Variants in COL5A1 observed in about 807,000 individuals in gnomAD.
The protein encoded by COL5A1 is collagen alpha-1(V) chain.
A neutral mutation model predicts 263.7 loss-of-function variants in COL5A1; 16 were observed. The ratio of observed to expected loss-of-function variants is 0.06; its 90% CI spans 0.04 to 0.09. The LOEUF is 0.09. COL5A1 is among the 10% of genes least tolerant of loss of function. The pLI is 1.00. For synonymous variants in COL5A1, 1,012 were observed against 1,004.5 expected (o/e 1.01, Z -0.14); for missense variants, 2,036 against 2,540.5 (o/e 0.80, Z 4.27).
chr9:134,735,967 G>C (rs914899443), intron 9 of COL5A1, among the ~76,000 whole-genome samples: 2 of 152,236 alleles, frequency 1.3e-5, no homozygotes, highest in Non-Finnish European at 2.9e-5. Flanking sequence ...GACAGCCTCT[G>C]GTGGCCTGTG....
At chr9:134,799,934 C>G (rs1487682185) in intron 37 of COL5A1, among the ~76,000 whole-genome samples, 1 of 152,204 alleles carries the variant, frequency 6.6e-6, no homozygotes, top group Admixed American at 6.5e-5. Context: ...TGCACATGTA[C>G]TTCCGGCTGC....
In COL5A1 at chr9:134,818,815, C is replaced by A. The variant is rs374728372; in HGVS notation, c.4339-33C>A. ...GTTGCCGAGTGGAGGGACGGGGGAC[C>A]AGCAACTCATGCAGAGCGTCTCTGT... On this transcript the variant is annotated intron_variant, in intron 55 of 65. Coordinates refer to ENST00000371817, the MANE Select transcript of COL5A1 (RefSeq NM_000093.5). This position sits in a 1 kb window ranked among gnomAD's most constrained non-coding sequence, Gnocchi z 6.0. 6 of 1,612,828 alleles carry A rather than the reference C, an allele frequency of 3.7e-6. No individual in the cohort carries two copies. The African/African-American group carries it at 5.3e-5, about 14-fold the overall frequency.
At position 134,789,264 on chromosome 9, in the gene COL5A1, C is replaced by A; in HGVS notation, c.2700+56C>A. On this transcript the variant is annotated intron_variant, in intron 32 of 65. Coordinates refer to ENST00000371817, the MANE Select transcript of COL5A1 (RefSeq NM_000093.5). This position sits in a 1 kb window ranked among gnomAD's most constrained non-coding sequence, Gnocchi z 4.8. ...CTTGTTCGGCTGCCTCGGTGCCTAG[C>A]AAGTTGGTTCTCCAGCCGACGGCCT... is the stretch of plus-strand genomic sequence containing the variant. 6.9e-7 allele frequency: 1 copy of A among 1,452,710 alleles called. No homozygotes were observed. 90.0% of individuals were successfully genotyped at this position (1,452,710 alleles called of 1,614,324 possible).
chr9:134,803,711 C>T (rs553193082), intron 39 of COL5A1, among the ~76,000 whole-genome samples: 12 of 151,668 alleles, frequency 7.9e-5, no homozygotes, highest in South Asian at 2.1e-4. Flanking sequence ...GGTGTGGTGG[C>T]GGGCGCCTGT....
chr9:134,650,486 G>A (rs1831640786), intron 1 of COL5A1, among the ~76,000 whole-genome samples: 1 of 152,272 alleles, frequency 6.6e-6, no homozygotes, highest in Non-Finnish European at 1.5e-5. Context: ...GGGGGGCACA[G>A]GTGAGCGATA....
intron 2 of COL5A1, among the ~76,000 whole-genome samples, chr9:134,694,452 G>A (rs1484316253): frequency 6.6e-6 from 1 of 152,252 alleles, no homozygotes; most frequent in African/African-American, 2.4e-5. Context: ...GGCCTCCTCT[G>A]GCCTGGGAGA....
chr9:134,699,776 A>G, intron 2 of COL5A1, 133 bp from the exon 3 acceptor site: 1 of 839,730 alleles, frequency 1.2e-6, no homozygotes, highest in Non-Finnish European at 2.0e-6. Context: ...GCAGATGTGC[A>G]GCAGATGGCA....
rs1036457758 is a variant in COL5A1, at chr9:134,761,897, G to A, written c.1936-28G>A. ...AGCCCTGCATGACCTGCTCAGGAGA[G>A]GCTGACGTTGACCCTTTCACTTCCT... On this transcript the variant is annotated intron_variant, in intron 18 of 65. Transcript: ENST00000371817. The A allele has an allele frequency of 5.0e-6, 8 of 1,612,696 alleles. No individual in the cohort carries two copies. The African/African-American group carries it at 6.7e-5, about 13-fold the overall frequency.
chr9:134,804,897 C>G, intron 39 of COL5A1, 78 bp from the exon 40 acceptor site: 1 of 1,271,262 alleles, frequency 7.9e-7, no homozygotes, highest in Non-Finnish European at 1.1e-6. Context: ...AAGGCCCCAG[C>G]CCTTGGCTTC....
At chr9:134,723,153 C>T (rs900418602) in intron 4 of COL5A1, among the ~76,000 whole-genome samples, 1 of 152,160 alleles carries the variant, frequency 6.6e-6, no homozygotes, top group Non-Finnish European at 1.5e-5. Context: ...AGCAGATGCC[C>T]CAGCCCAGGG....
chr9:134,774,332 C>T (rs965596009), intron 26 of COL5A1, among the ~76,000 whole-genome samples: 1 of 152,110 alleles, frequency 6.6e-6, no homozygotes, highest in Middle Eastern at 3.2e-3. Context: ...CGGTGGGAGC[C>T]GTTCATCATG....
At chr9:134,684,293 C>T (rs1473700832) in intron 1 of COL5A1, among the ~76,000 whole-genome samples, 4 of 152,134 alleles carry the variant, frequency 2.6e-5, no homozygotes, top group African/African-American at 7.2e-5. Context: ...CCTGTAGGTG[C>T]CGGAGCCCTG....
chr9:134,763,989 G>A (rs951353173), intron 20 of COL5A1, among the ~76,000 whole-genome samples: 1 of 151,218 alleles, frequency 6.6e-6, no homozygotes, highest in Non-Finnish European at 1.5e-5. Context: ...GTTGTTGTGG[G>A]GGTCCAGGGG....
In COL5A1 at chr9:134,698,479, C is replaced by T. The variant is rs1446730033; in HGVS notation, c.278-1430C>T. 2.6e-5 allele frequency among the ~76,000 whole-genome samples: 4 copies of T among 152,370 alleles called. No individual in the cohort carries two copies. In the South Asian group the frequency reaches 8.3e-4, roughly 32 times the overall value. On this transcript the variant is annotated intron_variant, in intron 2 of 65. Transcript: ENST00000371817. ...GGGTTTGCCTGGAGTAGTGGCCCCT[C>T]ATTTTGCAGAACCTCAGGAGATCTC...
At chr9:134,732,206 CAGGTCCGTGGGCCCCTGCACCTGCGCGCA>C in intron 9 of COL5A1, 79 bp downstream of exon 9, 1 of 1,502,778 alleles carries the variant, frequency 6.7e-7, no homozygotes, top group Non-Finnish European at 9.3e-7. Context: ...AGGGTGTGAA[CAGGTCCGTGGGCCCCTGCACCTGCGCGCA>C]CTGGGTCACT....
At chr9:134,795,371 A>G in intron 34 of COL5A1, 56 bp downstream of exon 34, 1 of 1,507,930 alleles carries the variant, frequency 6.6e-7, no homozygotes, top group Non-Finnish European at 9.2e-7. Context: ...GCAAGGCTAC[A>G]GAGACGTGGA....
intron 1 of COL5A1, chr9:134,649,394 CA>C (rs1831590868): frequency 2.4e-6 from 1 of 423,924 alleles, no homozygotes; most frequent in Non-Finnish European, 4.8e-6. Context: ...CCACTTTTCT[CA>C]AAATTTAATT....
At chr9:134,795,614 C>T (rs1437958096) in intron 34 of COL5A1, among the ~76,000 whole-genome samples, 2 of 152,204 alleles carry the variant, frequency 1.3e-5, no homozygotes, top group Non-Finnish European at 2.9e-5. Context: ...AGGCCCACCG[C>T]AGACTCACCC....
rs907039001 is a variant in COL5A1, at chr9:134,841,329, TAAAGA to T, written c.5371-826_5371-822del. Among the ~76,000 whole-genome samples, 4 of 152,172 alleles carry T rather than the reference TAAAGA, an allele frequency of 2.6e-5. No individual in the cohort carries two copies. Among genetic ancestry groups the T allele is most frequent in the African/African-American group, 9.6e-5 (4 of 41,452 alleles). On this transcript the variant is annotated intron_variant, in intron 65 of 65. Coordinates refer to ENST00000371817, the MANE Select transcript of COL5A1 (RefSeq NM_000093.5). This position sits in a 1 kb window ranked among gnomAD's most constrained non-coding sequence, Gnocchi z 4.8. ...AGCAGGGCCAGCTCAGCCTCAGTTA[TAAAGA>T]ACACTGGGAGTTATATTTGGGTGGC...
Sources: gnomAD v4.1 joint callset for allele counts (sites outside exome capture counted in the v4.1 genomes callset) on GRCh38, gnomAD v4.1.1 for gene constraint, Gnocchi (gnomAD v3.1) non-coding constraint, MANE v1.5 for transcripts, NCBI Gene and HGNC (gene_info 2026-07-23, HGNC 2026-07-21) for gene names.